VWF: variants seen among roughly 807,000 people sequenced by gnomAD.
The protein encoded by VWF is Factor VIII related antigen.
In VWF, 176 loss-of-function variants were observed where a neutral mutation model predicts 308.6. The observed-to-expected ratio is 0.57, with a 90% CI of 0.50 to 0.65. The LOEUF is 0.65. Among genes scored for constraint, VWF ranks in the 30% least tolerant of loss-of-function variants. The pLI is 0.00. For missense variants in VWF, 3,146 were observed against 3,648.2 expected (o/e 0.86, Z 3.55); for synonymous variants, 1,385 against 1,443.4 (o/e 0.96, Z 0.92).
intron 42 of VWF, 138 bp downstream of exon 42, chr12:5,981,648 T>C (rs1055174579): frequency 3.0e-6 from 3 of 1,003,860 alleles, no homozygotes; most frequent in Admixed American, 1.9e-5. Flanking sequence ...AAATCTTCCA[T>C]GAGGAGCACA....
At chr12:5,984,245 A>T (rs1420578082) in intron 40 of VWF, among the ~76,000 whole-genome samples, 2 of 152,218 alleles carry the variant, frequency 1.3e-5, no homozygotes, top group Non-Finnish European at 2.9e-5. Context: ...CTATAAAATG[A>T]GGGGCTTGAA....
intron 45 of VWF, 169 bp from the exon 46 acceptor site, chr12:5,968,336 G>T: frequency 1.5e-6 from 1 of 688,700 alleles, no homozygotes. Context: ...TACTGCTGGA[G>T]CCCACAGCGG....
intron 14 of VWF, among the ~76,000 whole-genome samples, chr12:6,057,606 G>A (rs1944600234): frequency 7.2e-6 from 1 of 139,766 alleles, no homozygotes; most frequent in East Asian, 2.0e-4. Flanking sequence ...CGCCTCGGTA[G>A]ACTTTTTTTT....
rs66551998 is a variant in VWF, at chr12:6,092,515, T to TTGTG, written c.657+2944_657+2945insCACA. On this transcript the variant is annotated intron_variant, in intron 6 of 51. Transcript: ENST00000261405. Reference sequence around the variant, plus strand: ...ACCACCATGCCCAGCTAGTATGTGTTTGTCTGTGTGTGTGTGTGTGCACGC... The same window carrying TTGTG: ...ACCACCATGCCCAGCTAGTATGTGTTTGTGTGTCTGTGTGTGTGTGTGTGCACGC... 9.5e-3 allele frequency among the ~76,000 whole-genome samples: 1,256 copies of TTGTG among 131,916 alleles called. 7 individuals are homozygous for TTGTG. The highest frequency in any genetic ancestry group is 0.032 in the Middle Eastern group (8 of 250). The allele number at this position is 131,916 out of a possible 152,430, so 86.5% of individuals were successfully genotyped here.
chr12:5,994,567 C>G lies in VWF; in HGVS notation c.6104G>C (p.Gly2035Ala). The G allele has an allele frequency of 6.2e-7, 1 of 1,613,892 alleles. No homozygotes were observed. The highest frequency in any genetic ancestry group is 8.5e-7 in the Non-Finnish European group (1 of 1,179,850). Residue 2035 changes from glycine to alanine, a missense_variant, in exon 36 of 52, where the codon GGT becomes GCT. Transcript: ENST00000261405. ...NGRLVSVPYV[G>A]GNMEVNVYGA... ...ATAAACGTTGACTTCCATGTTCCCA[C>G]CCACGTAAGGAACAGAGACCAGTCT...
Position 5,949,034 on chromosome 12 carries a change from G to A in VWF, c.8423C>T (p.Pro2808Leu), listed in dbSNP as rs774693533. The change falls in exon 52 of 52, where the codon CCC becomes CTC. Residue 2808 changes from proline to leucine, a missense_variant. Pro to Leu is a moderately conservative substitution (Grantham distance 98, BLOSUM62 -3). This residue lies in a region of VWF where 989 missense variants were observed against 1,117.4 expected (regional missense o/e 0.89). Coordinates refer to ENST00000261405, the MANE Select transcript of VWF (RefSeq NM_000552.5). ...GCAGCCTCACTTGCTGCACTTCCTGGGGGAGCATTTGCACTCCATGGCATT... is the reference window on the plus strand; with the variant it reads ...GCAGCCTCACTTGCTGCACTTCCTGAGGGAGCATTTGCACTCCATGGCATT... ...VLNAMECKCS[P>L]RKCSK The A allele has an allele frequency of 1.8e-5, 29 of 1,613,584 alleles. No homozygotes were observed. The highest frequency in any genetic ancestry group is 2.5e-5 in the Non-Finnish European group (29 of 1,179,818).
At chr12:6,008,303 A>C (rs536445337) in intron 34 of VWF, among the ~76,000 whole-genome samples, 10 of 152,326 alleles carry the variant, frequency 6.6e-5, no homozygotes, top group African/African-American at 1.9e-4. Context: ...TAAACAGCAC[A>C]ATCAAAGGAT....
chr12:6,090,476 G>T (rs1945020219), intron 6 of VWF, among the ~76,000 whole-genome samples: 1 of 152,226 alleles, frequency 6.6e-6, no homozygotes, highest in Non-Finnish European at 1.5e-5. Context: ...AAGAATGCGT[G>T]TTGAAACTTG....
intron 5 of VWF, among the ~76,000 whole-genome samples, chr12:6,097,954 T>G (rs912000545): frequency 1.3e-5 from 2 of 152,216 alleles, no homozygotes; most frequent in African/African-American, 4.8e-5. Flanking sequence ...CCCTGTGTGA[T>G]CTGGGCTGAT....
In VWF at chr12:6,063,909, C is replaced by T. The variant is rs1008056443; in HGVS notation, c.1432+337G>A. 4.6e-5 allele frequency among the ~76,000 whole-genome samples: 7 copies of T among 152,204 alleles called. No individual in the cohort carries two copies. The highest frequency in any genetic ancestry group is 1.7e-4 in the African/African-American group (7 of 41,452). ...CCTCTGCCCCTGTCCCACCCCAGAG[C>T]AAACCAGAACCACCTGCCCAAGACT... On this transcript the variant is annotated intron_variant, in intron 12 of 51. Coordinates refer to ENST00000261405, the MANE Select transcript of VWF (RefSeq NM_000552.5). The surrounding 1 kb of genome is among the most constrained non-coding windows in gnomAD (Gnocchi z 4.9).
intron 43 of VWF, among the ~76,000 whole-genome samples, chr12:5,974,694 T>C (rs1372994598): frequency 6.6e-6 from 1 of 152,200 alleles, no homozygotes; most frequent in Non-Finnish European, 1.5e-5. Context: ...GTAAACAAAA[T>C]GTGTGAGAAA....
chr12:6,027,383 C>T (rs1007446071), intron 22 of VWF, among the ~76,000 whole-genome samples: 5 of 152,194 alleles, frequency 3.3e-5, no homozygotes, highest in African/African-American at 1.2e-4. Context: ...TCACAGGGCT[C>T]ATCAGCCCAA....
rs61749396 is a variant in VWF, at chr12:6,019,474, C to T, written c.3944G>A (p.Arg1315His). 1.7e-5 allele frequency: 27 copies of T among 1,613,798 alleles called. No homozygotes were observed. The highest frequency in any genetic ancestry group is 6.7e-5 in the Admixed American group (4 of 60,004). Residue 1315 changes from arginine to histidine, a missense_variant, in exon 28 of 52, where the codon CGC (arginine) becomes CAC (histidine). Coordinates refer to ENST00000261405, the MANE Select transcript of VWF (RefSeq NM_000552.5). This position sits in a 1 kb window ranked among gnomAD's most constrained non-coding sequence, Gnocchi z 5.8. ...ERLRISQKWV[R>H]VAVVEYHDGS... The stretch of plus-strand genomic sequence containing the variant: ...GTCGTGGTACTCCACCACGGCCACG[C>T]GGACCCACTTCTGGGAGATGCGCAG...
intron 24 of VWF, among the ~76,000 whole-genome samples, chr12:6,025,219 C>A (rs1944177444): frequency 6.6e-6 from 1 of 152,122 alleles, no homozygotes; most frequent in Admixed American, 6.5e-5. Flanking sequence ...GTCTTTTGGT[C>A]TGGACAAATG....
chr12:5,956,566 C>T (rs1277514777), intron 47 of VWF, among the ~76,000 whole-genome samples: 1 of 151,282 alleles, frequency 6.6e-6, no homozygotes, highest in East Asian at 1.9e-4. Context: ...TCAGTTGATC[C>T]CAGGAGTTTA....
intron 28 of VWF, among the ~76,000 whole-genome samples, chr12:6,017,805 A>G (rs559987018): frequency 6.6e-6 from 1 of 152,368 alleles, no homozygotes; most frequent in South Asian, 2.1e-4. Flanking sequence ...GTATTTGCCC[A>G]AAATTACCCA....
intron 3 of VWF, among the ~76,000 whole-genome samples, chr12:6,115,115 C>T (rs1451529260): frequency 6.6e-6 from 1 of 152,188 alleles, no homozygotes; most frequent in Non-Finnish European, 1.5e-5. Context: ...CAGCTCACTT[C>T]ACCCTCGAAC....
intron 17 of VWF, 47 bp from the exon 18 acceptor site, chr12:6,044,498 G>C: frequency 6.3e-7 from 1 of 1,595,164 alleles, no homozygotes. Context: ...GGAGAGAATG[G>C]ACCTACCTTC....
chr12:6,101,150 C>T (rs973235824), intron 5 of VWF, among the ~76,000 whole-genome samples: 1 of 151,978 alleles, frequency 6.6e-6, no homozygotes, highest in African/African-American at 2.4e-5. Context: ...CATCACCTGC[C>T]GATTAGACAC....
Sources: allele counts gnomAD v4.1 joint callset (sites outside exome capture counted in the v4.1 genomes callset), GRCh38; gene constraint gnomAD v4.1.1; regional missense constraint gnomAD v4.1.1; non-coding constraint Gnocchi (gnomAD v3.1); transcripts MANE v1.5; gene names NCBI Gene and HGNC (gene_info 2026-07-23, HGNC 2026-07-21).